Variants in RNF19A observed in about 807,000 individuals in gnomAD.
RNF19A encodes the protein E3 ubiquitin-protein ligase RNF19A.
In RNF19A, 32 loss-of-function variants were observed where a neutral mutation model predicts 75.7. The observed-to-expected ratio is 0.42, with a 90% CI of 0.32 to 0.57. The LOEUF (loss-of-function observed/expected upper bound fraction) is 0.57, where lower values mean the gene tolerates loss of function less well. RNF19A is among the 20% of genes least tolerant of loss of function. The pLI, the probability that RNF19A is intolerant of heterozygous loss-of-function variation, is 0.10. For synonymous variants in RNF19A, 335 were observed against 345.2 expected, an observed-to-expected ratio of 0.97 and a Z score of 0.33; for missense variants, 782 against 1,036.3, an observed-to-expected ratio of 0.75 and a Z score of 3.37.
intron 2 of RNF19A, among the ~76,000 whole-genome samples, chr8:100,286,461 T>C (rs1821024066): frequency 6.6e-6 from 1 of 152,246 alleles, no homozygotes; most frequent in South Asian, 2.1e-4. Context: ...TGTTGTATAT[T>C]ACATAGAAAT....
rs1440879214 is a variant in RNF19A, at chr8:100,284,475, G to A, written c.674+3026C>T. ...ACTTTTTTTCCTCTGTCCTTTGTGG[G>A]TAAGACTATGACAACCAATAACACC... is the stretch of plus-strand genomic sequence containing the variant. On this transcript the variant is annotated intron_variant, in intron 2 of 9. Transcript: ENST00000341084. This position sits in a 1 kb window ranked among gnomAD's most constrained non-coding sequence, Gnocchi z 4.3. Among the ~76,000 whole-genome samples, 3 of 152,034 alleles carry A rather than the reference G, an allele frequency of 2.0e-5. No homozygotes were observed. The highest frequency in any genetic ancestry group is 2.9e-5 in the Non-Finnish European group (2 of 67,980).
chr8:100,276,692 G>A (rs1308757980), intron 2 of RNF19A, among the ~76,000 whole-genome samples: 1 of 147,484 alleles, frequency 6.8e-6, no homozygotes, highest in African/African-American at 2.5e-5. Context: ...GCAGACGGAG[G>A]CTGCAGTGAG....
At position 100,258,753 on chromosome 8, in the gene RNF19A, G is replaced by A; in HGVS notation, c.2320C>T (p.Gln774Ter). 6.2e-7 allele frequency: 1 copy of A among 1,614,214 alleles called. No homozygotes were observed. Residue 774 changes from glutamine to a stop codon, truncating the protein, a stop_gained, in exon 10 of 10, where the codon CAG (glutamine) becomes TAG (stop). Coordinates refer to ENST00000341084, the MANE Select transcript of RNF19A (RefSeq NM_183419.4). LOFTEE classifies it high-confidence loss of function. This position sits in a 1 kb window ranked among gnomAD's most constrained non-coding sequence, Gnocchi z 4.3. Reference sequence around the variant, plus strand: ...TGGGTAACCACAGAAATGCTACACTGATGTGGGGAATTTTCCAGACGGTCA... The same window carrying A: ...TGGGTAACCACAGAAATGCTACACTAATGTGGGGAATTTTCCAGACGGTCA... ...ENDRLENSPH[Q>*]CSISVVTQTA...
chr8:100,308,910 C>T (rs1822171945), intron 1 of RNF19A, among the ~76,000 whole-genome samples: 1 of 152,194 alleles, frequency 6.6e-6, no homozygotes, highest in African/African-American at 2.4e-5. Context: ...CAGAGTAAAG[C>T]ATCGTTCGTG....
At chr8:100,308,938 G>A (rs774303950) in intron 1 of RNF19A, among the ~76,000 whole-genome samples, 4 of 152,128 alleles carry the variant, frequency 2.6e-5, no homozygotes, top group South Asian at 2.1e-4. Context: ...ATCTCCAAGG[G>A]TCAATGGGAA....
At chr8:100,297,016 G>A (rs1186279968) in intron 1 of RNF19A, among the ~76,000 whole-genome samples, 2 of 152,150 alleles carry the variant, frequency 1.3e-5, no homozygotes, top group African/African-American at 4.8e-5. Context: ...AATCAATATT[G>A]TATATTCAAA....
chr8:100,274,915 T>C, intron 3 of RNF19A, 38 bp downstream of exon 3: 1 of 1,503,894 alleles, frequency 6.6e-7, no homozygotes, highest in South Asian at 1.2e-5. Context: ...TAGTGTTTTG[T>C]GTCAAATATT....
chr8:100,297,513 C>T (rs1821623186), intron 1 of RNF19A, among the ~76,000 whole-genome samples: 1 of 152,182 alleles, frequency 6.6e-6, no homozygotes, highest in Non-Finnish European at 1.5e-5. Context: ...ATTATTAGTC[C>T]TGGCCAATGC....
chr8:100,306,792 A>G (rs1822079317), intron 1 of RNF19A, among the ~76,000 whole-genome samples: 1 of 152,214 alleles, frequency 6.6e-6, no homozygotes, highest in Non-Finnish European at 1.5e-5. Flanking sequence ...TTTCAATGTT[A>G]GACATCTTCT....
chr8:100,262,184 TCA>T (rs1223866702), intron 7 of RNF19A, among the ~76,000 whole-genome samples: 1 of 152,210 alleles, frequency 6.6e-6, no homozygotes, highest in African/African-American at 2.4e-5. Context: ...ACAGTACCTC[TCA>T]CACATTTTGT....
At chr8:100,295,314 G>A (rs559940450) in intron 1 of RNF19A, among the ~76,000 whole-genome samples, 44 of 152,126 alleles carry the variant, frequency 2.9e-4, no homozygotes, top group Non-Finnish European at 5.1e-4. Context: ...AGATACTTTT[G>A]ACAGCACTCT....
intron 2 of RNF19A, among the ~76,000 whole-genome samples, chr8:100,276,777 T>C (rs1310386209): frequency 6.6e-6 from 1 of 150,578 alleles, no homozygotes; most frequent in Non-Finnish European, 1.5e-5. Flanking sequence ...ATCTTTGTTG[T>C]GATGGAACTG....
intron 7 of RNF19A, among the ~76,000 whole-genome samples, chr8:100,263,182 T>A (rs962288198): frequency 6.6e-6 from 1 of 151,910 alleles, no homozygotes; most frequent in Non-Finnish European, 1.5e-5. Context: ...AGAACTGAGC[T>A]CTGGGGAACA....
At chr8:100,321,422 C>A (rs1211863853) in intron 1 of RNF19A, among the ~76,000 whole-genome samples, 5 of 152,224 alleles carry the variant, frequency 3.3e-5, no homozygotes, top group Non-Finnish European at 7.3e-5. Flanking sequence ...GAGACTACAG[C>A]AATTCAGTCA....
chr8:100,258,622 T>C lies in RNF19A; in HGVS notation c.2451A>G (p.Lys817=), dbSNP rs1407570424. Residue 817 remains lysine (K), a synonymous_variant, in exon 10 of 10, where the codon AAA becomes AAG. Coordinates refer to ENST00000341084, the MANE Select transcript of RNF19A (RefSeq NM_183419.4). The surrounding 1 kb of genome is among the most constrained non-coding windows in gnomAD (Gnocchi z 4.3). ...GATGTGAGTGGTTGTTATTTGTTTC[T>C]TTTAGTGCATCGCCAAAATATAAAT... is the stretch of plus-strand genomic sequence containing the variant. ...NVDLYFGDAL[K]ETNNNHSHQT... The C allele has an allele frequency of 6.2e-7, 1 of 1,614,078 alleles. No individual in the cohort carries two copies. The highest frequency in any genetic ancestry group is 1.7e-5 in the Admixed American group (1 of 60,002).
chr8:100,287,455 C>G lies in RNF19A; in HGVS notation c.674+46G>C. On this transcript the variant is annotated intron_variant, in intron 2 of 9. Transcript: ENST00000341084. This position sits in a 1 kb window ranked among gnomAD's most constrained non-coding sequence, Gnocchi z 4.1. Reference sequence around the variant, plus strand: ...GAGTAATAGCAAATTATTTTATCCACAGAGAAAAAAATTAACTCAAGAAAA... The same window carrying G: ...GAGTAATAGCAAATTATTTTATCCAGAGAGAAAAAAATTAACTCAAGAAAA... 6.5e-7 allele frequency: 1 copy of G among 1,528,132 alleles called. No homozygotes were observed. The highest frequency in any genetic ancestry group is 8.8e-7 in the Non-Finnish European group (1 of 1,140,594). 94.7% of individuals were successfully genotyped at this position (1,528,132 alleles called of 1,614,324 possible). A position where few individuals can be genotyped will look rare whatever the true frequency, so the allele number is the denominator to read the frequency against.
rs192547939 is a variant in RNF19A, at chr8:100,274,895, T to G, written c.883+58A>C. On this transcript the variant is annotated intron_variant, in intron 3 of 9. Transcript: ENST00000341084. ...AACAGGAATACTTAACTTTAAAAAG[T>G]TAAAATAACTAGTGTTTTGTGTCAA... 53 of 1,393,022 alleles carry G rather than the reference T, an allele frequency of 3.8e-5. No homozygotes were observed. In the African/African-American group the frequency reaches 7.7e-4, roughly 20 times the overall value. The allele number at this position is 1,393,022 out of a possible 1,614,324, so 86.3% of individuals were successfully genotyped here. A position where few individuals can be genotyped will look rare whatever the true frequency, so the allele number is the denominator to read the frequency against.
chr8:100,268,772 G>C lies in RNF19A; in HGVS notation c.1191+13C>G. 1.3e-6 allele frequency: 2 copies of C among 1,507,356 alleles called. No homozygotes were observed. Among genetic ancestry groups the C allele is most frequent in the Non-Finnish European group, 1.8e-6 (2 of 1,117,594 alleles). 93.4% of individuals were successfully genotyped at this position (1,507,356 alleles called of 1,614,324 possible). ...GAATAAGATAATGGACTAACAAGAA[G>C]TATGCATTTTACCTTGCGGCCCACA... On this transcript the variant is annotated intron_variant, in intron 5 of 9. Coordinates refer to ENST00000341084, the MANE Select transcript of RNF19A (RefSeq NM_183419.4).
Position 100,264,523 on chromosome 8 carries a change from C to T in RNF19A, c.1306+148G>A. ...ATTTACCAACTACTTTAAGGCTAGG[C>T]TCTTGAATCTGTAATACTTTCAACC... is the stretch of plus-strand genomic sequence containing the variant. On this transcript the variant is annotated intron_variant, in intron 6 of 9. Coordinates refer to ENST00000341084, the MANE Select transcript of RNF19A (RefSeq NM_183419.4). This position sits in a 1 kb window ranked among gnomAD's most constrained non-coding sequence, Gnocchi z 4.7. 1.6e-6 allele frequency: 1 copy of T among 622,562 alleles called. No individual in the cohort carries two copies. Among genetic ancestry groups the T allele is most frequent in the Non-Finnish European group, 2.8e-6 (1 of 357,800 alleles). The allele number at this position is 622,562 out of a possible 1,614,324, so 38.6% of individuals were successfully genotyped here. A position where few individuals can be genotyped will look rare whatever the true frequency, so the allele number is the denominator to read the frequency against.
Sources: allele counts gnomAD v4.1 joint callset (sites outside exome capture counted in the v4.1 genomes callset), GRCh38; gene constraint gnomAD v4.1.1; non-coding constraint Gnocchi (gnomAD v3.1); transcripts MANE v1.5; gene names NCBI Gene and HGNC (gene_info 2026-07-23, HGNC 2026-07-21).